Variants in ACSM2A observed in about 807,000 individuals in gnomAD.
ACSM2A encodes acyl-coenzyme A synthetase ACSM2A, mitochondrial.
Under a neutral mutation model 76.6 loss-of-function variants are expected in ACSM2A, and 72 were observed. That is an observed-to-expected ratio of 0.94 (90% CI 0.78 to 1.14). ACSM2A has a LOEUF of 1.14. ACSM2A is among the 50% of genes most tolerant of loss of function. The pLI is 0.00. For missense variants in ACSM2A, 684 were observed against 708.5 expected, an observed-to-expected ratio of 0.97 and a Z score of 0.39; for synonymous variants, 249 against 255.9, an observed-to-expected ratio of 0.97 and a Z score of 0.26.
Position 20,486,837 on chromosome 16 carries a change from A to G in ACSM2A, c.*159A>G. 1.2e-6 allele frequency: 1 copy of G among 853,942 alleles called. No individual in the cohort carries two copies. Among genetic ancestry groups the G allele is most frequent in the South Asian group, 1.8e-5 (1 of 54,680 alleles). The allele number at this position is 853,942 out of a possible 1,614,324, so 52.9% of individuals were successfully genotyped here. On this transcript the variant is annotated 3_prime_UTR_variant, in exon 14 of 14. Coordinates refer to ENST00000573854, the MANE Select transcript of ACSM2A (RefSeq NM_001308172.2). ...TTAGCACAAAACTTTACCATGTTAG[A>G]TGTTGAAAGAAGAAAGGGAAGGAAT...
intron 4 of ACSM2A, 165 bp from the exon 5 acceptor site, chr16:20,470,908 G>C: frequency 9.0e-7 from 1 of 1,106,238 alleles, no homozygotes; most frequent in Non-Finnish European, 1.3e-6. Flanking sequence ...ACCCAACTCT[G>C]ATTGACTCAG....
intron 13 of ACSM2A, among the ~76,000 whole-genome samples, chr16:20,483,569 CAAAAAAAAAAAAAAAAAAA>C (rs60606533): frequency 6.2e-5 from 2 of 32,208 alleles, no homozygotes; most frequent in African/African-American, 1.7e-4. Flanking sequence ...GACTCTGTCT[CAAAAAAAAAAAAAAAAAAA>C]AAAAAAAAAA....
rs143878776 is a variant in ACSM2A at position 20,482,790 on chromosome 16, C to T, written c.1510-268C>T. The T allele has an allele frequency of 9.8e-4, 289 of 293,954 alleles. 1 individual carries two copies. Among genetic ancestry groups the T allele is most frequent in the African/African-American group, 5.6e-3 (264 of 47,122 alleles). The allele number at this position is 293,954 out of a possible 1,614,324, so 18.2% of individuals were successfully genotyped here. ...TTTCTCTTTTCTCCCCCTGTATCTT[C>T]TTTCTCCTTATCTGTCTCTATTGTT... On this transcript the variant is annotated intron_variant, in intron 12 of 13. Coordinates refer to ENST00000573854, the MANE Select transcript of ACSM2A (RefSeq NM_001308172.2).
chr16:20,474,446 T>C (rs2141736351), intron 6 of ACSM2A, among the ~76,000 whole-genome samples: 1 of 152,296 alleles, frequency 6.6e-6, no homozygotes, highest in East Asian at 1.9e-4. Context: ...TCCTTGGGAC[T>C]CTGCGGAGTC....
intron 13 of ACSM2A, among the ~76,000 whole-genome samples, chr16:20,483,385 C>A (rs948105378): frequency 3.2e-5 from 3 of 92,792 alleles, no homozygotes; most frequent in Admixed American, 1.2e-4. Flanking sequence ...GCCTGGCCAA[C>A]ATGGTGAAAC....
chr16:20,467,251 G>C (rs2141713442), intron 3 of ACSM2A, among the ~76,000 whole-genome samples: 1 of 152,322 alleles, frequency 6.6e-6, no homozygotes, highest in East Asian at 1.9e-4. Flanking sequence ...GAGGTGGCCA[G>C]GTGCTAAACT....
chr16:20,467,160 T>A (rs111569227), intron 3 of ACSM2A, among the ~76,000 whole-genome samples: 13 of 152,204 alleles, frequency 8.5e-5, no homozygotes, highest in African/African-American at 3.1e-4. Flanking sequence ...AACTTGAAAA[T>A]TATAAAAGAA....
intron 11 of ACSM2A, 39 bp downstream of exon 11, chr16:20,480,739 C>G (rs371124544): frequency 4.0e-5 from 64 of 1,610,042 alleles, no homozygotes; most frequent in Non-Finnish European, 4.9e-5. Flanking sequence ...AAATCTGGGT[C>G]TTTACTCTGG....
At chr16:20,470,950 T>C (rs2013353485) in intron 4 of ACSM2A, 123 bp from the exon 5 acceptor site, 36 of 1,270,312 alleles carry the variant, frequency 2.8e-5, no homozygotes, top group Non-Finnish European at 3.8e-5. Flanking sequence ...CAGCAGCCTC[T>C]CTTGTGAGGT....
chr16:20,480,458 T>A, intron 10 of ACSM2A, 115 bp from the exon 11 acceptor site: 1 of 1,505,028 alleles, frequency 6.6e-7, no homozygotes, highest in Non-Finnish European at 8.9e-7. Flanking sequence ...ATGTTCAGGT[T>A]ATACACTGCA....
chr16:20,471,215 G>A lies in ACSM2A; in HGVS notation c.739G>A (p.Gly247Ser), dbSNP rs1272316568. ...SLGLKAKMDA[G>S]WTGLQASDIM... ...GGGCCTCAAGGCCAAGATGGATGCTGGGTAAGCTGAGCTCTTTCTCTCTAC... is the reference window on the plus strand; with the variant it reads ...GGGCCTCAAGGCCAAGATGGATGCTAGGTAAGCTGAGCTCTTTCTCTCTAC... Residue 247 changes from glycine to serine, a missense_variant and splice_region_variant, in exon 5 of 14, where the codon GGT (glycine) becomes AGT (serine). Physicochemically the swap from Gly to Ser is moderately conservative, Grantham distance 56. This residue lies in a region of ACSM2A where 519 missense variants were observed against 549.5 expected (regional missense o/e 0.94). Transcript: ENST00000573854. 3 of 1,607,786 alleles carry A rather than the reference G, an allele frequency of 1.9e-6. No individual in the cohort carries two copies. The African/African-American group carries it at 4.0e-5, about 22-fold the overall frequency.
chr16:20,469,753 C>G (rs770825618), intron 4 of ACSM2A, 34 bp downstream of exon 4: 2 of 1,610,046 alleles, frequency 1.2e-6, no homozygotes, highest in Admixed American at 1.7e-5. Context: ...TGGGTTTTAA[C>G]TAAAACTGGA....
At chr16:20,461,796 T>C (rs888777589) in intron 2 of ACSM2A, among the ~76,000 whole-genome samples, 1 of 152,180 alleles carries the variant, frequency 6.6e-6, no homozygotes, top group African/African-American at 2.4e-5. Flanking sequence ...AAAAGGTTGT[T>C]TTTTTCTTTC....
At chr16:20,454,308 G>A (rs1415929624) in intron 1 of ACSM2A, among the ~76,000 whole-genome samples, 1 of 151,628 alleles carries the variant, frequency 6.6e-6, no homozygotes, top group African/African-American at 2.4e-5. Flanking sequence ...AAAAGAATGA[G>A]ACCCTGCAAC....
At chr16:20,456,780 T>A in intron 1 of ACSM2A, among the ~76,000 whole-genome samples, 1 of 146,410 alleles carries the variant, frequency 6.8e-6, no homozygotes. Flanking sequence ...AAACCCAGCA[T>A]AAGAAAGGAA....
intron 4 of ACSM2A, among the ~76,000 whole-genome samples, chr16:20,470,072 G>A (rs556244238): frequency 1.1e-3 from 170 of 152,128 alleles, no homozygotes; most frequent in Middle Eastern, 3.4e-3. Flanking sequence ...TCTGGGCTGC[G>A]CACTCATGCG....
rs376180373 is a variant in ACSM2A at position 20,471,219 on chromosome 16, A to G, written c.740+3A>G. 1.9e-6 allele frequency: 3 copies of G among 1,607,878 alleles called. No individual in the cohort carries two copies. Among genetic ancestry groups the G allele is most frequent in the African/African-American group, 2.7e-5 (2 of 74,740 alleles). ...CTCAAGGCCAAGATGGATGCTGGGTAAGCTGAGCTCTTTCTCTCTACAGAG... is the reference window on the plus strand; with the variant it reads ...CTCAAGGCCAAGATGGATGCTGGGTGAGCTGAGCTCTTTCTCTCTACAGAG... On this transcript the variant is annotated splice_donor_region_variant and intron_variant, in intron 5 of 13. Transcript: ENST00000573854.
At chr16:20,466,134 GTATT>G (rs1185403174) in intron 3 of ACSM2A, among the ~76,000 whole-genome samples, 3 of 145,832 alleles carry the variant, frequency 2.1e-5, no homozygotes, top group Admixed American at 6.9e-5. Context: ...TTATAACACA[GTATT>G]ATATGTGGCT....
Position 20,486,683 on chromosome 16 carries a change from T to C in ACSM2A, c.*5T>C, listed in dbSNP as rs1208939080. 1 of 1,613,856 alleles carries C rather than the reference T, an allele frequency of 6.2e-7. No homozygotes were observed. The highest frequency in any genetic ancestry group is 8.5e-7 in the Non-Finnish European group (1 of 1,179,874). On this transcript the variant is annotated 3_prime_UTR_variant, in exon 14 of 14. Coordinates refer to ENST00000573854, the MANE Select transcript of ACSM2A (RefSeq NM_001308172.2). ...GGAAAAGCCCGTGCGCAGTGAGACA[T>C]CTAAGAGACATTCATTTGGATTCCC...
Sources: allele counts gnomAD v4.1 joint callset (sites outside exome capture counted in the v4.1 genomes callset), GRCh38; gene constraint gnomAD v4.1.1; regional missense constraint gnomAD v4.1.1; transcripts MANE v1.5; gene names NCBI Gene and HGNC (gene_info 2026-07-23, HGNC 2026-07-21).